Variants in CCDC171 observed in about 807,000 individuals in gnomAD.
CCDC171 encodes coiled-coil domain-containing protein 171.
A neutral mutation model predicts 168.2 loss-of-function variants in CCDC171; 177 were observed. That is an observed-to-expected ratio of 1.05 (90% confidence interval 0.93 to 1.19). CCDC171 has a LOEUF of 1.19. Ranked by LOEUF, CCDC171 falls within the 50% of genes most tolerant of loss-of-function variation. The pLI is 0.00. For synonymous variants in CCDC171, 687 were observed against 540.8 expected (o/e 1.27, Z -3.75); for missense variants, 1,991 against 1,539.0 (o/e 1.29, Z -4.91).
chr9:15,745,613 G>GA lies in CCDC171; in HGVS notation c.2654dup (p.Asp885GlufsTer5). Reference sequence around the variant, plus strand: ...AATCAGTTCTATGGCTGAATTACAAGACGTCATTGGTAAAGCAGGTATGGT... The same window carrying GA: ...AATCAGTTCTATGGCTGAATTACAAGAACGTCATTGGTAAAGCAGGTATGGT... On this transcript the variant is annotated frameshift_variant, in exon 18 of 26. Transcript: ENST00000380701. LOFTEE classifies it high-confidence loss of function. The GA allele has an allele frequency of 1.3e-6, 2 of 1,556,308 alleles. No individual in the cohort carries two copies. Among genetic ancestry groups the GA allele is most frequent in the Non-Finnish European group, 1.7e-6 (2 of 1,154,942 alleles).
downstream of CCDC171, among the ~76,000 whole-genome samples, chr9:16,066,171 T>C (rs10511612): frequency 0.15 from 23,223 of 152,124 alleles, 1,867 homozygotes; most frequent in Admixed American, 0.21. Flanking sequence ...TAACCTCTTC[T>C]CGGTCACTCT....
chr9:15,982,192 C>G (rs561145837), intron 3 of CCDC171, among the ~76,000 whole-genome samples: 34 of 150,338 alleles, frequency 2.3e-4, no homozygotes, highest in Non-Finnish European at 4.0e-4. Context: ...GATATCATAG[C>G]ACAGACATAG....
chr9:15,734,094 A>G (rs1481545811), intron 16 of CCDC171, among the ~76,000 whole-genome samples: 1 of 152,198 alleles, frequency 6.6e-6, no homozygotes, highest in Non-Finnish European at 1.5e-5. Context: ...TTTTTGAAGT[A>G]AGAGAATCAG....
intron 4 of CCDC171, 41 bp downstream of exon 4, chr9:15,579,064 C>T (rs2040911996): frequency 6.5e-7 from 1 of 1,528,132 alleles, no homozygotes; most frequent in Non-Finnish European, 9.0e-7. Flanking sequence ...AGGGTTGTAA[C>T]CTGATTGTAT....
chr9:15,597,070 A>G (rs1482992375), intron 6 of CCDC171, among the ~76,000 whole-genome samples: 1 of 152,146 alleles, frequency 6.6e-6, no homozygotes, highest in Non-Finnish European at 1.5e-5. Flanking sequence ...TTTTCTAGTT[A>G]TACAATCATG....
chr9:15,560,622 A>G (rs1459892895), intron 1 of CCDC171, among the ~76,000 whole-genome samples: 2 of 152,048 alleles, frequency 1.3e-5, no homozygotes, highest in African/African-American at 4.8e-5. Context: ...CTAGTTAGCC[A>G]TTCATCTAAT....
chr9:16,015,847 A>G (rs182467834), intron 3 of CCDC171, among the ~76,000 whole-genome samples: 126 of 152,314 alleles, frequency 8.3e-4, no homozygotes, highest in Non-Finnish European at 1.2e-3. Flanking sequence ...TAAGTATTCC[A>G]AATAAGTTGA....
chr9:15,810,055 G>A (rs1011847583), intron 21 of CCDC171, among the ~76,000 whole-genome samples: 3 of 152,160 alleles, frequency 2.0e-5, no homozygotes, highest in Admixed American at 1.3e-4. Flanking sequence ...ACAGAGCACT[G>A]ATTGGTGCAT....
intron 18 of CCDC171, among the ~76,000 whole-genome samples, chr9:15,749,666 A>G (rs576044275): frequency 1.4e-4 from 21 of 152,328 alleles, no homozygotes; most frequent in Admixed American, 9.2e-4. Context: ...GGATTAAGAA[A>G]CTCACTCTAA....
chr9:15,774,875 G>A (rs369048406), intron 18 of CCDC171, among the ~76,000 whole-genome samples: 1 of 152,212 alleles, frequency 6.6e-6, no homozygotes, highest in African/African-American at 2.4e-5. Context: ...AACATGGTAT[G>A]TTCTCACTCA....
At chr9:15,640,294 A>C (rs746107991) in intron 7 of CCDC171, among the ~76,000 whole-genome samples, 2 of 152,088 alleles carry the variant, frequency 1.3e-5, no homozygotes, top group African/African-American at 2.4e-5. Flanking sequence ...TTTACATGGC[A>C]GTTCCCGTGT....
At chr9:15,893,671 A>G (rs1820508068) in intron 24 of CCDC171, among the ~76,000 whole-genome samples, 1 of 152,112 alleles carries the variant, frequency 6.6e-6, no homozygotes, top group Admixed American at 6.6e-5. Flanking sequence ...CAACAAACAT[A>G]TGAAAAAAAT....
intron 11 of CCDC171, among the ~76,000 whole-genome samples, chr9:15,715,585 C>T (rs1311208449): frequency 2.0e-5 from 3 of 152,168 alleles, no homozygotes; most frequent in Admixed American, 1.3e-4. Context: ...CAGTTCAAAA[C>T]ATGAACGTGA....
chr9:15,995,934 T>C (rs913072978), intron 3 of CCDC171, among the ~76,000 whole-genome samples: 3 of 152,108 alleles, frequency 2.0e-5, no homozygotes, highest in African/African-American at 7.2e-5. Flanking sequence ...TTGTGCAGTG[T>C]TTTTCTATTT....
chr9:15,642,350 T>TAC (rs1246337155), intron 7 of CCDC171, among the ~76,000 whole-genome samples: 1 of 34,298 alleles, frequency 2.9e-5, no homozygotes, highest in Non-Finnish European at 6.5e-5. Flanking sequence ...TGTGTATATA[T>TAC]ATATATATAT....
chr9:15,702,720 T>C (rs564173034), intron 11 of CCDC171, among the ~76,000 whole-genome samples: 3 of 152,342 alleles, frequency 2.0e-5, no homozygotes, highest in African/African-American at 7.2e-5. Context: ...TTTAGCTAGA[T>C]CTGCGGATAA....
At chr9:15,909,618 C>G (rs967581504) in intron 24 of CCDC171, among the ~76,000 whole-genome samples, 3 of 152,154 alleles carry the variant, frequency 2.0e-5, no homozygotes, top group Non-Finnish European at 2.9e-5. Context: ...GTCACAGTTG[C>G]TGTTTGCGTG....
At chr9:15,888,855 G>T (rs1040071811) in intron 24 of CCDC171, 5 of 150,862 alleles carry the variant, frequency 3.3e-5, no homozygotes, top group African/African-American at 1.2e-4. Flanking sequence ...CAAAACCTGA[G>T]AAATATGTTT....
rs145602138 is a variant in CCDC171 at position 15,868,003 on chromosome 9, T to A, written c.3469-6529T>A. On this transcript the variant is annotated intron_variant, in intron 23 of 25. Transcript: ENST00000380701. The stretch of plus-strand genomic sequence containing the variant: ...CTATTTTCCAGCTTGATAATTTGAT[T>A]TGAATAGTCAGTTTTTTAGATCTTT... Among the ~76,000 whole-genome samples the A allele has an allele frequency of 5.9e-3, 905 of 152,168 alleles. 11 individuals are homozygous for A. Among genetic ancestry groups the A allele is most frequent in the African/African-American group, 0.02 (842 of 41,546 alleles).
Sources: allele counts gnomAD v4.1 joint callset (sites outside exome capture counted in the v4.1 genomes callset), GRCh38; gene constraint gnomAD v4.1.1; transcripts MANE v1.5; gene names NCBI Gene and HGNC (gene_info 2026-07-23, HGNC 2026-07-21).